CCDC180: variants seen among roughly 807,000 people sequenced by gnomAD.
CCDC180 encodes the protein coiled-coil domain-containing protein 180.
Under a neutral mutation model 209.2 loss-of-function variants are expected in CCDC180, and 154 were observed. The ratio of observed to expected loss-of-function variants is 0.74; its 90% CI spans 0.65 to 0.84. The LOEUF (loss-of-function observed/expected upper bound fraction) is 0.84, where lower values mean the gene tolerates loss of function less well. Among genes scored for constraint, CCDC180 ranks in the 40% least tolerant of loss-of-function variants. The probability of loss-of-function intolerance (pLI) is 0.00; values close to 1 mark genes in which losing one functional copy is unlikely to be tolerated. For missense variants in CCDC180, 1,874 were observed against 1,997.3 expected, an observed-to-expected ratio of 0.94 and a Z score of 1.18; for synonymous variants, 778 against 749.1, an observed-to-expected ratio of 1.04 and a Z score of -0.63.
At chr9:97,309,275 G>A (rs1832901505) in intron 2 of CCDC180, 139 bp from the exon 3 acceptor site, 1 of 696,868 alleles carries the variant, frequency 1.4e-6, no homozygotes, top group Admixed American at 3.6e-5. Flanking sequence ...GATATGACCT[G>A]GGGCTGAAGG....
At position 97,377,532 on chromosome 9, in the gene CCDC180, T is replaced by C. The variant is rs1827290914; in HGVS notation, c.*638T>C. On this transcript the variant is annotated 3_prime_UTR_variant, in exon 37 of 37. Transcript: ENST00000529487. ...TACAGCCTTCATTTGTCGGTAGCTGTGTGTGTCATCTGGACAGGTTTCCTC... is the reference window on the plus strand; with the variant it reads ...TACAGCCTTCATTTGTCGGTAGCTGCGTGTGTCATCTGGACAGGTTTCCTC... 6.6e-6 allele frequency: 1 copy of C among 152,246 alleles called. No homozygotes were observed. Among genetic ancestry groups the C allele is most frequent in the Admixed American group, 6.5e-5 (1 of 15,282 alleles). 9.4% of individuals were successfully genotyped at this position (152,246 alleles called of 1,614,324 possible). A position where few individuals can be genotyped will look rare whatever the true frequency, so the allele number is the denominator to read the frequency against.
intron 31 of CCDC180, among the ~76,000 whole-genome samples, chr9:97,368,236 G>A (rs1367137305): frequency 6.6e-6 from 1 of 152,164 alleles, no homozygotes; most frequent in Non-Finnish European, 1.5e-5. Flanking sequence ...ACACACAAGA[G>A]CCAAAAATTA....
intron 18 of CCDC180, among the ~76,000 whole-genome samples, chr9:97,340,858 G>T (rs968086078): frequency 3.3e-5 from 5 of 152,174 alleles, no homozygotes; most frequent in African/African-American, 1.2e-4. Context: ...CTTGTGGAGG[G>T]CCTGACATTA....
intron 4 of CCDC180, among the ~76,000 whole-genome samples, chr9:97,312,931 C>CAGGAAGTGCCATGGA (rs11268681): frequency 6.6e-6 from 1 of 151,812 alleles, no homozygotes; most frequent in Non-Finnish European, 1.5e-5. Flanking sequence ...ACCTACTATG[C>CAGGAAGTGCCATGGA]AGGAAGTGTT....
chr9:97,342,460 A>G (rs778183829), intron 18 of CCDC180, among the ~76,000 whole-genome samples: 10 of 152,094 alleles, frequency 6.6e-5, no homozygotes, highest in Non-Finnish European at 1.3e-4. Context: ...TTGTATTTTT[A>G]GTAGAGACAG....
At chr9:97,343,589 A>T in intron 19 of CCDC180, 26 bp downstream of exon 19, 1 of 1,492,210 alleles carries the variant, frequency 6.7e-7, no homozygotes, top group African/African-American at 1.4e-5. Context: ...TTTTATTCTC[A>T]TCCTGTTGTT....
At chr9:97,354,833 T>C in intron 23 of CCDC180, 59 bp from the exon 24 acceptor site, 1 of 1,561,840 alleles carries the variant, frequency 6.4e-7, no homozygotes, top group South Asian at 1.1e-5. Flanking sequence ...CCCTCCTCCT[T>C]CAGAGTCCAA....
intron 31 of CCDC180, among the ~76,000 whole-genome samples, chr9:97,367,540 C>T (rs1160226391): frequency 6.6e-6 from 1 of 150,754 alleles, no homozygotes; most frequent in Non-Finnish European, 1.5e-5. Context: ...GATCCGCAAT[C>T]TCGGCTCACT....
chr9:97,333,109 G>A (rs1825797928), intron 18 of CCDC180, among the ~76,000 whole-genome samples: 1 of 152,120 alleles, frequency 6.6e-6, no homozygotes, highest in Non-Finnish European at 1.5e-5. Flanking sequence ...CCTCTTCTGT[G>A]TCTATTGAGA....
chr9:97,373,785 T>G (rs1016617808), intron 34 of CCDC180: 6 of 152,226 alleles, frequency 3.9e-5, no homozygotes, highest in Non-Finnish European at 5.9e-5. Context: ...TACAGATTTT[T>G]GAAGTGTTGG....
rs140321791 is a variant in CCDC180 at position 97,314,722 on chromosome 9, C to T, written c.693C>T (p.Thr231=). 6.6e-4 allele frequency: 1,063 copies of T among 1,613,456 alleles called. No homozygotes were observed. The highest frequency in any genetic ancestry group is 8.5e-4 in the Non-Finnish European group (1,004 of 1,179,732). The change falls in exon 7 of 37, where the codon ACC becomes ACT. Residue 231 remains threonine (T), a synonymous_variant. Transcript: ENST00000529487. ...TGCACTCGCTGGAGTTCTCCCGAAC[C>T]GATAAAGTAAGTCGGCTGCAGGTGG... ...EALHSLEFSR[T]DKLKSVLKKY...
chr9:97,374,730 C>T, intron 35 of CCDC180, 82 bp downstream of exon 35: 1 of 1,122,760 alleles, frequency 8.9e-7, no homozygotes, highest in East Asian at 2.5e-5. Context: ...GGGGCTTGGA[C>T]TCTGAAGTCA....
intron 24 of CCDC180, among the ~76,000 whole-genome samples, chr9:97,356,470 G>C (rs1223595120): frequency 6.6e-6 from 1 of 152,210 alleles, no homozygotes; most frequent in African/African-American, 2.4e-5. Context: ...GAGCTGATAT[G>C]TGCTAAACTC....
At position 97,375,478 on chromosome 9, in the gene CCDC180, C is replaced by G. The variant is rs369273537; in HGVS notation, c.4731C>G (p.Thr1577=). 1.2e-6 allele frequency: 2 copies of G among 1,614,076 alleles called. No individual in the cohort carries two copies. The highest frequency in any genetic ancestry group is 2.7e-5 in the African/African-American group (2 of 74,916). ...GSRKWPGIKP[T]EVTIQNKILL... ...GGAAGTGGCCAGGGATCAAACCCAC[C>G]GAAGTCACCATCCAAAACAAGATTC... Residue 1577 remains threonine, a synonymous_variant, in exon 36 of 37, where the codon ACC becomes ACG. Coordinates refer to ENST00000529487, the MANE Select transcript of CCDC180 (RefSeq NM_020893.6).
At chr9:97,354,469 G>T (rs530683073) in intron 22 of CCDC180, 100 bp from the exon 23 acceptor site, 10 of 1,200,620 alleles carry the variant, frequency 8.3e-6, no homozygotes, top group Non-Finnish European at 1.2e-5. Context: ...AACTCTAACC[G>T]GAAGCCTAGA....
intron 28 of CCDC180, chr9:97,363,718 C>T: frequency 2.0e-6 from 1 of 494,962 alleles, no homozygotes; most frequent in Non-Finnish European, 4.1e-6. Flanking sequence ...GGCAACCCTA[C>T]CTGTGGCTCA....
chr9:97,312,202 G>A lies in CCDC180; in HGVS notation c.349+1G>A. ...GTGCGGGGTCTCATGGATACTATAGGTGAGCCTCCATTCAGCCTCAAGGCA... is the reference window on the plus strand; with the variant it reads ...GTGCGGGGTCTCATGGATACTATAGATGAGCCTCCATTCAGCCTCAAGGCA... On this transcript the variant is annotated splice_donor_variant, in intron 4 of 36. Transcript: ENST00000529487. LOFTEE classifies it high-confidence loss of function. The A allele has an allele frequency of 1.2e-6, 2 of 1,613,452 alleles. No individual in the cohort carries two copies. The highest frequency in any genetic ancestry group is 1.1e-5 in the South Asian group (1 of 91,054).
At chr9:97,354,745 G>C in intron 23 of CCDC180, 32 bp downstream of exon 23, 3 of 1,613,692 alleles carry the variant, frequency 1.9e-6, no homozygotes, top group Non-Finnish European at 2.5e-6. Context: ...CAGGCCAACC[G>C]GTTCCACAGT....
At chr9:97,323,022 C>T in intron 12 of CCDC180, 101 bp downstream of exon 12, 1 of 819,768 alleles carries the variant, frequency 1.2e-6, no homozygotes, top group Non-Finnish European at 2.0e-6. Flanking sequence ...CCAGCTATGT[C>T]CCCACTTCAC....
Sources: gnomAD v4.1 joint callset for allele counts (sites outside exome capture counted in the v4.1 genomes callset) on GRCh38, gnomAD v4.1.1 for gene constraint, MANE v1.5 for transcripts, NCBI Gene and HGNC (gene_info 2026-07-23, HGNC 2026-07-21) for gene names.